NBAS: variants seen among roughly 807,000 people sequenced by gnomAD.
NBAS encodes NBAS subunit of NRZ tethering complex, also known as NAG/BC035112 fusion.
A neutral mutation model predicts 302.5 loss-of-function variants in NBAS; 219 were observed. The ratio of observed to expected loss-of-function variants is 0.72; its 90% CI spans 0.65 to 0.81. NBAS has a LOEUF of 0.81. Among genes scored for constraint, NBAS ranks in the 30% least tolerant of loss-of-function variants. The probability of loss-of-function intolerance (pLI) is 0.00; values close to 1 mark genes in which losing one functional copy is unlikely to be tolerated. For synonymous variants in NBAS, 1,118 were observed against 1,021.6 expected (o/e 1.09, Z -1.80); for missense variants, 2,932 against 2,841.6 (o/e 1.03, Z -0.72).
chr2:15,185,970 T>C lies in NBAS; in HGVS notation c.6711+772A>G, dbSNP rs148387533. ...TATCCAAATGCTTAAATTTAAGACA[T>C]GTAAATTATTCAAATAATATACCGC... On this transcript the variant is annotated intron_variant, in intron 50 of 51. Coordinates refer to ENST00000281513, the MANE Select transcript of NBAS (RefSeq NM_015909.4). Among the ~76,000 whole-genome samples, 11 of 152,240 alleles carry C rather than the reference T, an allele frequency of 7.2e-5. No individual in the cohort carries two copies. The East Asian group carries it at 9.7e-4, about 13-fold the overall frequency.
In NBAS at chr2:15,330,878, C is replaced by A. The variant is rs6759219; in HGVS notation, c.4180-113G>T. On this transcript the variant is annotated intron_variant, in intron 35 of 51. Transcript: ENST00000281513. ...CAGATATTAAACTTGAAGACAGACA[C>A]ATTTAAAAATCCATCCAACTTTGCT... 0.45 allele frequency: 503,942 copies of A among 1,132,044 alleles called. 117,011 individuals carry two copies. The highest frequency in any genetic ancestry group is 0.66 in the African/African-American group (42,300 of 63,840). 70.1% of individuals were successfully genotyped at this position (1,132,044 alleles called of 1,614,324 possible). A position where few individuals can be genotyped will look rare whatever the true frequency, so the allele number is the denominator to read the frequency against.
At chr2:15,535,006 C>T (rs4668922) in intron 8 of NBAS, among the ~76,000 whole-genome samples, 96,996 of 152,010 alleles carry the variant, frequency 0.64, 31,664 homozygotes, top group Non-Finnish European at 0.68. Flanking sequence ...GAATGGATTT[C>T]TAAAATCATG....
intron 35 of NBAS, among the ~76,000 whole-genome samples, chr2:15,335,844 G>A (rs576575491): frequency 8.6e-5 from 13 of 152,032 alleles, no homozygotes; most frequent in East Asian, 5.8e-4. Context: ...AGTCCAATTC[G>A]TCAGTTTTTA....
intron 40 of NBAS, among the ~76,000 whole-genome samples, chr2:15,294,446 T>A (rs1356555573): frequency 6.6e-6 from 1 of 152,180 alleles, no homozygotes; most frequent in African/African-American, 2.4e-5. Context: ...GGCGACAGAT[T>A]TAGGCAAAGG....
intron 48 of NBAS, among the ~76,000 whole-genome samples, chr2:15,203,415 C>A (rs879634210): frequency 1.4e-4 from 21 of 152,252 alleles, no homozygotes; most frequent in Admixed American, 2.6e-4. Context: ...AAACATGGAG[C>A]ATGTAGTATC....
intron 44 of NBAS, among the ~76,000 whole-genome samples, chr2:15,263,632 T>G (rs1019700403): frequency 9.2e-5 from 14 of 152,304 alleles, no homozygotes; most frequent in African/African-American, 3.4e-4. Context: ...GCTAAATATG[T>G]CTTGAATGTT....
chr2:15,390,594 T>C (rs1308756645), intron 28 of NBAS, among the ~76,000 whole-genome samples: 2 of 119,328 alleles, frequency 1.7e-5, no homozygotes, highest in Non-Finnish European at 3.7e-5. Context: ...AGATTTTAGC[T>C]GCTCCTGCCA....
intron 28 of NBAS, among the ~76,000 whole-genome samples, chr2:15,384,507 C>T: frequency 7.5e-6 from 1 of 133,948 alleles, no homozygotes; most frequent in African/African-American, 2.8e-5. Flanking sequence ...TTAACTTATA[C>T]TAAAATATAT....
chr2:15,255,039 G>GT (rs963397932), intron 44 of NBAS, among the ~76,000 whole-genome samples: 22 of 152,240 alleles, frequency 1.4e-4, no homozygotes, highest in East Asian at 1.4e-3. Context: ...ATGTGCAAGT[G>GT]TTTTTTTCAT....
downstream of NBAS, among the ~76,000 whole-genome samples, chr2:15,162,263 C>T (rs1156957691): frequency 3.3e-5 from 5 of 152,144 alleles, no homozygotes; most frequent in African/African-American, 7.2e-5. Context: ...GACCCATGGC[C>T]GAGTAGAAAT....
the NBAS span, among the ~76,000 whole-genome samples, chr2:14,987,204 T>G: frequency 6.6e-6 from 1 of 152,096 alleles, no homozygotes; most frequent in East Asian, 1.9e-4. Flanking sequence ...ATATTCTGAT[T>G]ATTTAGAATA....
the NBAS span, among the ~76,000 whole-genome samples, chr2:14,844,955 A>C: frequency 0.21 from 32,550 of 152,172 alleles, 5,672 homozygotes; most frequent in African/African-American, 0.48. Flanking sequence ...TAACTCTGAA[A>C]CCAAATGGGG....
chr2:15,551,694 T>C (rs1396269562), intron 5 of NBAS, among the ~76,000 whole-genome samples, 158 bp from the exon 6 acceptor site: 1 of 152,228 alleles, frequency 6.6e-6, no homozygotes, highest in East Asian at 1.9e-4. Flanking sequence ...CTTTTGTCAG[T>C]GACAATATTT....
the NBAS span, among the ~76,000 whole-genome samples, chr2:15,151,319 T>A: frequency 6.6e-6 from 1 of 152,226 alleles, no homozygotes; most frequent in African/African-American, 2.4e-5. Flanking sequence ...TCTACACCCC[T>A]TAGTTTTCAT....
Position 15,402,229 on chromosome 2 carries a change from G to C in NBAS, c.3010C>G (p.Arg1004Gly), listed in dbSNP as rs780108348. Residue 1004 changes from arginine (R) to glycine (G), a missense_variant, in exon 26 of 52, where the codon CGA becomes GGA. By Grantham distance (125) the Arg-to-Gly change is moderately radical. Transcript: ENST00000281513. Reference protein sequence around the residue: ...IALECIYTCERNDQLCLCYDL... With the variant: ...IALECIYTCEGNDQLCLCYDL... ...TAGCAAAGACAGAGTTGATCATTTC[G>C]TTCACAGGTATAGATGCACTCTAGT... is the stretch of plus-strand genomic sequence containing the variant. 6.2e-7 allele frequency: 1 copy of C among 1,613,506 alleles called. No homozygotes were observed. The highest frequency in any genetic ancestry group is 1.3e-5 in the African/African-American group (1 of 74,984).
At chr2:15,351,609 T>C (rs1673359930) in intron 35 of NBAS, among the ~76,000 whole-genome samples, 1 of 150,350 alleles carries the variant, frequency 6.7e-6, no homozygotes. Context: ...ACCTGGGAGG[T>C]GGAGGTTGCA....
intron 48 of NBAS, among the ~76,000 whole-genome samples, chr2:15,216,816 G>C (rs1224273004): frequency 1.3e-5 from 2 of 152,076 alleles, no homozygotes; most frequent in African/African-American, 4.8e-5. Context: ...TAGAATATTA[G>C]GAATCTGACA....
rs1572559718 is a variant in NBAS at position 15,268,860 on chromosome 2, C to T, written c.5724+6624G>A. Among the ~76,000 whole-genome samples, 3 of 152,124 alleles carry T rather than the reference C, an allele frequency of 2.0e-5. No homozygotes were observed. In the South Asian group the frequency reaches 6.2e-4, roughly 32 times the overall value. On this transcript the variant is annotated intron_variant, in intron 44 of 51. Coordinates refer to ENST00000281513, the MANE Select transcript of NBAS (RefSeq NM_015909.4). ...ATTGCAACTTGAGAATGGACAATGACAATTATTTATTACTTTTTCCTGATT... is the reference window on the plus strand; with the variant it reads ...ATTGCAACTTGAGAATGGACAATGATAATTATTTATTACTTTTTCCTGATT...
chr2:15,403,864 C>CCTTCGTGTGTGT (rs1553305901), intron 25 of NBAS, among the ~76,000 whole-genome samples: 1 of 135,412 alleles, frequency 7.4e-6, no homozygotes, highest in Non-Finnish European at 1.5e-5. Context: ...TTCCTTCCTT[C>CCTTCGTGTGTGT]GTGTGTGTGT....
Sources: allele counts gnomAD v4.1 joint callset (sites outside exome capture counted in the v4.1 genomes callset), GRCh38; gene constraint gnomAD v4.1.1; transcripts MANE v1.5; gene names NCBI Gene and HGNC (gene_info 2026-07-23, HGNC 2026-07-21).